Variants in PTPRN2 observed in about 807,000 individuals in gnomAD.
PTPRN2 encodes protein tyrosine phosphatase receptor type N2, also known as receptor-type tyrosine-protein phosphatase N2.
A neutral mutation model predicts 118.8 loss-of-function variants in PTPRN2; 74 were observed. That is an observed-to-expected ratio of 0.62 (90% CI 0.52 to 0.76). The LOEUF is 0.76. PTPRN2 is among the 30% of genes least tolerant of loss of function. The pLI is 0.00. For missense variants in PTPRN2, 1,481 were observed against 1,394.4 expected, an observed-to-expected ratio of 1.06 and a Z score of -0.99; for synonymous variants, 641 against 608.0, an observed-to-expected ratio of 1.05 and a Z score of -0.80.
chr7:158,270,805 CTCA>C (rs1563067590), intron 3 of PTPRN2, among the ~76,000 whole-genome samples: 11 of 21,792 alleles, frequency 5.0e-4, no homozygotes, highest in African/African-American at 1.6e-3. Flanking sequence ...GGACCACCCC[CTCA>C]CCTGGACCGC....
Position 157,903,401 on chromosome 7 carries a change from G to A in PTPRN2, c.1724-4664C>T, listed in dbSNP as rs1334434815. 6.6e-6 allele frequency among the ~76,000 whole-genome samples: 1 copy of A among 151,924 alleles called. No individual in the cohort carries two copies. Among genetic ancestry groups the A allele is most frequent in the African/African-American group, 2.4e-5 (1 of 41,368 alleles). On this transcript the variant is annotated intron_variant, in intron 11 of 22. Transcript: ENST00000389418. This position sits in a 1 kb window ranked among gnomAD's most constrained non-coding sequence, Gnocchi z 4.2. ...TCACCAGTATGCCCAGGTCACAAGT[G>A]TACCCCAAACCTCAGCACCACCAGT...
At chr7:158,191,702 C>G (rs1392675986) in intron 5 of PTPRN2, among the ~76,000 whole-genome samples, 1 of 152,148 alleles carries the variant, frequency 6.6e-6, no homozygotes, top group Non-Finnish European at 1.5e-5. Context: ...GATGCGGGTC[C>G]TTGCAGCTCC....
At chr7:158,053,001 C>T (rs895195915) in intron 11 of PTPRN2, among the ~76,000 whole-genome samples, 1 of 152,188 alleles carries the variant, frequency 6.6e-6, no homozygotes, top group Admixed American at 6.5e-5. Flanking sequence ...TTCTCCCTGC[C>T]CAGGCTGGCC....
At chr7:158,140,436 T>C (rs769799412) in intron 6 of PTPRN2, among the ~76,000 whole-genome samples, 1 of 152,112 alleles carries the variant, frequency 6.6e-6, no homozygotes, top group Non-Finnish European at 1.5e-5. Flanking sequence ...TCCTCATAGT[T>C]CCACAGACAG....
At chr7:158,495,227 C>T (rs548363594) in intron 1 of PTPRN2, among the ~76,000 whole-genome samples, 4 of 152,200 alleles carry the variant, frequency 2.6e-5, no homozygotes, top group African/African-American at 7.2e-5. Flanking sequence ...CTAGGGCTTA[C>T]GACAGCCTGA....
intron 11 of PTPRN2, among the ~76,000 whole-genome samples, chr7:157,972,794 T>C (rs11769047): frequency 0.01 from 961 of 91,902 alleles, 75 homozygotes; most frequent in African/African-American, 0.014. Context: ...CTCCACACCA[T>C]GAGAACAGGG....
intron 9 of PTPRN2, among the ~76,000 whole-genome samples, chr7:158,125,544 G>A (rs1317480467): frequency 1.3e-5 from 2 of 152,136 alleles, no homozygotes; most frequent in Admixed American, 6.5e-5. Flanking sequence ...ACAAGCAACC[G>A]TGAACATGTT....
intron 11 of PTPRN2, among the ~76,000 whole-genome samples, chr7:157,984,911 C>T (rs544126949): frequency 1.3e-5 from 2 of 152,350 alleles, no homozygotes; most frequent in African/African-American, 4.8e-5. Context: ...GGCCCAGGCT[C>T]TCTGTGTAGA....
At chr7:158,398,946 T>C (rs1812738897) in intron 2 of PTPRN2, among the ~76,000 whole-genome samples, 1 of 152,264 alleles carries the variant, frequency 6.6e-6, no homozygotes, top group Non-Finnish European at 1.5e-5. Context: ...CTAGGCTATG[T>C]AGTACGCTGT....
intron 14 of PTPRN2, among the ~76,000 whole-genome samples, chr7:157,652,507 C>G (rs1805728054): frequency 6.6e-6 from 1 of 152,244 alleles, no homozygotes; most frequent in Non-Finnish European, 1.5e-5. Context: ...GACCTGACCA[C>G]CTGCTGTCAT....
At chr7:158,297,255 G>A (rs1222836977) in intron 3 of PTPRN2, among the ~76,000 whole-genome samples, 1 of 152,214 alleles carries the variant, frequency 6.6e-6, no homozygotes, top group African/African-American at 2.4e-5. Flanking sequence ...TTCAGAGAGA[G>A]CTGCTAACTC....
chr7:158,332,928 G>T (rs1335571506), intron 2 of PTPRN2, among the ~76,000 whole-genome samples: 9 of 142,300 alleles, frequency 6.3e-5, no homozygotes, highest in African/African-American at 5.5e-5. Flanking sequence ...ACCATAAGAA[G>T]TGACACCTGC....
intron 11 of PTPRN2, among the ~76,000 whole-genome samples, chr7:157,933,949 A>G (rs1396217813): frequency 6.6e-6 from 1 of 152,112 alleles, no homozygotes; most frequent in Non-Finnish European, 1.5e-5. Context: ...TGACATTTTT[A>G]GAGCAGGGGT....
intron 21 of PTPRN2, among the ~76,000 whole-genome samples, chr7:157,558,390 G>GCA (rs1181116187): frequency 2.6e-5 from 4 of 152,236 alleles, no homozygotes; most frequent in Non-Finnish European, 5.9e-5. Context: ...TCAGTGCAGA[G>GCA]CACACACACC....
At chr7:157,846,530 A>T (rs931037741) in intron 12 of PTPRN2, among the ~76,000 whole-genome samples, 15 of 151,970 alleles carry the variant, frequency 9.9e-5, no homozygotes, top group African/African-American at 3.4e-4. Flanking sequence ...GAGGGGGAAC[A>T]GGCACCAGTT....
intron 11 of PTPRN2, among the ~76,000 whole-genome samples, chr7:157,921,026 A>G (rs6977026): frequency 0.68 from 103,515 of 151,620 alleles, 36,294 homozygotes; most frequent in Admixed American, 0.77. Flanking sequence ...AAATATGCAC[A>G]TGGATGTTTA....
chr7:158,365,255 G>A (rs747902236), intron 2 of PTPRN2, among the ~76,000 whole-genome samples: 59 of 152,332 alleles, frequency 3.9e-4, no homozygotes, highest in South Asian at 6.2e-4. Flanking sequence ...TGGACGGTCC[G>A]TGGGAATTTC....
chr7:158,449,911 A>T (rs1357309507), intron 2 of PTPRN2, among the ~76,000 whole-genome samples: 2 of 152,254 alleles, frequency 1.3e-5, no homozygotes, highest in Non-Finnish European at 2.9e-5. Context: ...GCTGTAGTAC[A>T]GACGAATCCA....
intron 5 of PTPRN2, among the ~76,000 whole-genome samples, chr7:158,172,632 CCCA>C (rs1281187272): frequency 6.6e-6 from 1 of 151,602 alleles, no homozygotes; most frequent in Admixed American, 6.6e-5. Flanking sequence ...CAACAGCATC[CCCA>C]CCATCACCAT....
Sources: gnomAD v4.1 joint callset for allele counts (sites outside exome capture counted in the v4.1 genomes callset) on GRCh38, gnomAD v4.1.1 for gene constraint, Gnocchi (gnomAD v3.1) non-coding constraint, MANE v1.5 for transcripts, NCBI Gene and HGNC (gene_info 2026-07-23, HGNC 2026-07-21) for gene names.